SLC16A10: variants seen among roughly 807,000 people sequenced by gnomAD.
The protein encoded by SLC16A10 is solute carrier family 16 member 10.
SLC16A10 carries 27 observed loss-of-function variants against 40.0 expected under a neutral mutation model. The observed-to-expected ratio is 0.67, with a 90% CI of 0.50 to 0.93. SLC16A10 has a LOEUF of 0.93. Among genes scored for constraint, SLC16A10 ranks in the 40% least tolerant of loss-of-function variants. The probability of loss-of-function intolerance (pLI) is 0.00; values close to 1 mark genes in which losing one functional copy is unlikely to be tolerated. For missense variants in SLC16A10, 529 were observed against 658.2 expected (o/e 0.80, Z 2.15); for synonymous variants, 213 against 249.8 (o/e 0.85, Z 1.39).
chr6:111,218,897 C>A lies in SLC16A10; in HGVS notation c.1170C>A (p.Leu390=), dbSNP rs767025856. 7 of 1,613,988 alleles carry A rather than the reference C, an allele frequency of 4.3e-6. No homozygotes were observed. The highest frequency in any genetic ancestry group is 5.9e-6 in the Non-Finnish European group (7 of 1,180,036). Residue 390 remains leucine, a synonymous_variant, in exon 5 of 6, where the codon CTC becomes CTA. Coordinates refer to ENST00000368851, the MANE Select transcript of SLC16A10 (RefSeq NM_018593.5). ...SIFGALIAVC[L]IMGLFDGCFI... is the part of the protein sequence containing the mutation. ...TTGGGGCCCTCATTGCTGTGTGCCT[C>A]ATCATGGGTCTCTTCGATGGATGCT...
intron 1 of SLC16A10, among the ~76,000 whole-genome samples, chr6:111,130,038 C>A (rs1395787404): frequency 6.6e-6 from 1 of 152,166 alleles, no homozygotes; most frequent in Non-Finnish European, 1.5e-5. Context: ...GCTATCATTT[C>A]TTTAAGAAAA....
chr6:111,100,681 C>T (rs904523926), intron 1 of SLC16A10, among the ~76,000 whole-genome samples: 1 of 151,896 alleles, frequency 6.6e-6, no homozygotes, highest in Admixed American at 6.6e-5. Flanking sequence ...CCGTGCCCGG[C>T]CTACAGTTGT....
chr6:111,113,925 G>T (rs1317652687), intron 1 of SLC16A10, among the ~76,000 whole-genome samples: 1 of 152,156 alleles, frequency 6.6e-6, no homozygotes, highest in Non-Finnish European at 1.5e-5. Flanking sequence ...TGAGCAGCTT[G>T]CATTTCTGAC....
chr6:111,108,531 G>C (rs1771327347), intron 1 of SLC16A10, among the ~76,000 whole-genome samples: 1 of 152,156 alleles, frequency 6.6e-6, no homozygotes, highest in Non-Finnish European at 1.5e-5. Context: ...CTTATGTTGA[G>C]AAATGAAGTG....
chr6:111,106,814 A>G (rs1771292294), intron 1 of SLC16A10, among the ~76,000 whole-genome samples: 1 of 152,222 alleles, frequency 6.6e-6, no homozygotes, highest in African/African-American at 2.4e-5. Flanking sequence ...AACAACAGTG[A>G]AAATACATTG....
intron 1 of SLC16A10, among the ~76,000 whole-genome samples, chr6:111,164,934 GTAT>G (rs1454025778): frequency 6.6e-6 from 1 of 152,016 alleles, no homozygotes; most frequent in African/African-American, 2.4e-5. Flanking sequence ...GAACTAAAAG[GTAT>G]TATAGCTTTT....
intron 1 of SLC16A10, among the ~76,000 whole-genome samples, chr6:111,116,151 A>G (rs1771482525): frequency 6.6e-6 from 1 of 152,188 alleles, no homozygotes; most frequent in South Asian, 2.1e-4. Context: ...CATAAGAAAG[A>G]AAAAGCTAAA....
chr6:111,156,190 G>A (rs1259906505), intron 1 of SLC16A10, among the ~76,000 whole-genome samples: 3 of 152,072 alleles, frequency 2.0e-5, no homozygotes, highest in Non-Finnish European at 4.4e-5. Context: ...AATAAATGTG[G>A]GAGACTAGAC....
intron 1 of SLC16A10, among the ~76,000 whole-genome samples, chr6:111,119,702 A>G (rs1771550201): frequency 6.6e-6 from 1 of 152,220 alleles, no homozygotes; most frequent in Admixed American, 6.5e-5. Flanking sequence ...TGGGACCTTG[A>G]CAGATGTACT....
In SLC16A10 at chr6:111,230,452, A is replaced by G. The variant is rs1771093658; in HGVS notation, c.*8217A>G. ...ATTTGCTCTGGTAACTAATGATAAC[A>G]CTTTTCTACGTTAACATGAGTTATA... On this transcript the variant is annotated 3_prime_UTR_variant, in exon 6 of 6. Coordinates refer to ENST00000368851, the MANE Select transcript of SLC16A10 (RefSeq NM_018593.5). 1 of 152,166 alleles carries G rather than the reference A, an allele frequency of 6.6e-6. No individual in the cohort carries two copies. Among genetic ancestry groups the G allele is most frequent in the Non-Finnish European group, 1.5e-5 (1 of 68,022 alleles). The allele number at this position is 152,166 out of a possible 1,614,324, so 9.4% of individuals were successfully genotyped here. A position where few individuals can be genotyped will look rare whatever the true frequency, so the allele number is the denominator to read the frequency against.
At chr6:111,097,742 A>G (rs1158105700) in intron 1 of SLC16A10, among the ~76,000 whole-genome samples, 3 of 152,218 alleles carry the variant, frequency 2.0e-5, no homozygotes, top group Admixed American at 1.3e-4. Flanking sequence ...CTTCTGATCT[A>G]TGCCTCTTAG....
intron 4 of SLC16A10, among the ~76,000 whole-genome samples, chr6:111,208,996 C>T (rs183441020): frequency 1.4e-3 from 206 of 151,752 alleles, no homozygotes; most frequent in Non-Finnish European, 2.2e-3. Context: ...GAGGCCAGTT[C>T]GAGACAATCC....
intron 1 of SLC16A10, among the ~76,000 whole-genome samples, chr6:111,130,481 T>A (rs960606049): frequency 1.3e-5 from 2 of 152,202 alleles, no homozygotes; most frequent in African/African-American, 4.8e-5. Context: ...TCCCCCTTTT[T>A]GGGGGAGTAT....
At chr6:111,092,325 T>TTTG (rs1562394068) in intron 1 of SLC16A10, among the ~76,000 whole-genome samples, 1 of 137,322 alleles carries the variant, frequency 7.3e-6, no homozygotes, top group Non-Finnish European at 1.6e-5. Context: ...GTTTTTTTTT[T>TTTG]TTTTTTTTTT....
At chr6:111,184,740 C>T (rs1390248948) in intron 3 of SLC16A10, among the ~76,000 whole-genome samples, 1 of 152,164 alleles carries the variant, frequency 6.6e-6, no homozygotes, top group Admixed American at 6.5e-5. Flanking sequence ...CTCGGCCTCC[C>T]AAAGTGCTGG....
intron 1 of SLC16A10, among the ~76,000 whole-genome samples, chr6:111,159,215 A>T (rs1316744750): frequency 1.3e-5 from 2 of 151,850 alleles, no homozygotes; most frequent in African/African-American, 4.8e-5. Flanking sequence ...TATTCCCATC[A>T]TGTTTTATGC....
At chr6:111,197,547 T>G (rs117098186) in intron 3 of SLC16A10, among the ~76,000 whole-genome samples, 2,919 of 152,350 alleles carry the variant, frequency 0.019, 39 homozygotes, top group Middle Eastern at 0.041. Context: ...TAATGCTTTC[T>G]GAATGTATCC....
intron 3 of SLC16A10, chr6:111,193,209 C>A: frequency 1.2e-6 from 1 of 837,010 alleles, no homozygotes; most frequent in Non-Finnish European, 1.4e-6. Context: ...TTTGTCCCTA[C>A]TTTTTCTCAG....
At position 111,089,908 on chromosome 6, in the gene SLC16A10, GTTTTTTTTTTTTTTTTT is replaced by G. The variant is rs541758500; in HGVS notation, c.343+1835_343+1851del. 9.3e-3 allele frequency among the ~76,000 whole-genome samples: 484 copies of G among 52,314 alleles called. 9 individuals are homozygous for G. The highest frequency in any genetic ancestry group is 0.03 in the African/African-American group (444 of 14,838). 34.3% of individuals were successfully genotyped at this position (52,314 alleles called of 152,430 possible). On this transcript the variant is annotated intron_variant, in intron 1 of 5. Coordinates refer to ENST00000368851, the MANE Select transcript of SLC16A10 (RefSeq NM_018593.5). ...TAGATCCTTTGGTGTCTGTGGGTGGGTTTTTTTTTTTTTTTTTTTTTTTTTTTTTTTTTTTTTTGAGA... is the reference window on the plus strand; with the variant it reads ...TAGATCCTTTGGTGTCTGTGGGTGGGTTTTTTTTTTTTTTTTTTTTTGAGA...
Sources: gnomAD v4.1 joint callset for allele counts (sites outside exome capture counted in the v4.1 genomes callset) on GRCh38, gnomAD v4.1.1 for gene constraint, MANE v1.5 for transcripts, NCBI Gene and HGNC (gene_info 2026-07-23, HGNC 2026-07-21) for gene names.